The following DSCAML1 variants were observed in gnomAD, a reference collection of about 807,000 sequenced individuals.
DSCAML1 encodes the protein cell adhesion molecule DSCAML1.
Under a neutral mutation model 200.5 loss-of-function variants are expected in DSCAML1, and 38 were observed. That is an observed-to-expected ratio of 0.19 (90% CI 0.15 to 0.25). The LOEUF (loss-of-function observed/expected upper bound fraction) is 0.25. Ranked by LOEUF, DSCAML1 falls within the 10% of genes least tolerant of loss-of-function variation. The pLI is 1.00. For missense variants in DSCAML1, 2,223 were observed against 2,858.8 expected (o/e 0.78, Z 5.07); for synonymous variants, 1,215 against 1,165.0 (o/e 1.04, Z -0.87).
At chr11:117,488,551 A>ACACACACAC (rs1215403825) in intron 11 of DSCAML1, among the ~76,000 whole-genome samples, 9 of 151,846 alleles carry the variant, frequency 5.9e-5, no homozygotes, top group African/African-American at 1.9e-4. Flanking sequence ...ACACACACAC[A>ACACACACAC]CACACCACAC....
intron 3 of DSCAML1, among the ~76,000 whole-genome samples, chr11:117,543,967 G>A (rs2050321039): frequency 6.6e-6 from 1 of 152,148 alleles, no homozygotes. Flanking sequence ...GCTGAGGAAG[G>A]GGTTTCCTGC....
Position 117,461,460 on chromosome 11 carries a change from A to AT in DSCAML1, c.3401dup (p.Tyr1134Ter). Residue 1134 changes from tyrosine (Y) to a stop codon, truncating the protein, a stop_gained and frameshift_variant, in exon 18 of 33, where the codon TAT becomes TAAT. Coordinates refer to ENST00000651296, the MANE Select transcript of DSCAML1 (RefSeq NM_020693.4). LOFTEE classifies it high-confidence loss of function. ...KGYRVIFWSLYVDGEWGEMQN... is the reference protein window; with the variant it reads ...KGYRVIFWSL ...TCCCAGCAGACTCACCCCCATCAACATAGAGGGACCAGAAGATGACCCGAT... is the reference window on the plus strand; with the variant it reads ...TCCCAGCAGACTCACCCCCATCAACATTAGAGGGACCAGAAGATGACCCGAT... 1 of 1,614,116 alleles carries AT rather than the reference A, an allele frequency of 6.2e-7. No individual in the cohort carries two copies. Among genetic ancestry groups the AT allele is most frequent in the Non-Finnish European group, 8.5e-7 (1 of 1,180,012 alleles).
chr11:117,439,902 C>T lies in DSCAML1; in HGVS notation c.3897G>A (p.Val1299=). 1 of 1,614,144 alleles carries T rather than the reference C, an allele frequency of 6.2e-7. No individual in the cohort carries two copies. The highest frequency in any genetic ancestry group is 8.5e-7 in the Non-Finnish European group (1 of 1,180,016). The change falls in exon 22 of 33, where the codon GTG becomes GTA. Residue 1299 remains valine, a synonymous_variant. Coordinates refer to ENST00000651296, the MANE Select transcript of DSCAML1 (RefSeq NM_020693.4). ...GAACATCTTTCATCCAAGGTGTTGT[C>T]ACGGTGCCCCCAAAGGAGATGATCT... The part of the protein sequence containing the change: ...PAKIISFGGT[V]TTPWMKDVRL...
At chr11:117,717,435 CA>C (rs1205021601) in intron 3 of DSCAML1, among the ~76,000 whole-genome samples, 1 of 152,248 alleles carries the variant, frequency 6.6e-6, no homozygotes, top group Admixed American at 6.5e-5. Flanking sequence ...TCATTTCCTC[CA>C]CCAGGGACAA....
chr11:117,797,717 AGCCT>A (rs1339007676), upstream of DSCAML1, among the ~76,000 whole-genome samples: 3 of 152,134 alleles, frequency 2.0e-5, no homozygotes, highest in Non-Finnish European at 4.4e-5. Flanking sequence ...GACTTCCGCA[AGCCT>A]GCCCTCCGGA....
chr11:117,566,564 GTTTGT>G (rs1405901207), intron 3 of DSCAML1, among the ~76,000 whole-genome samples: 56 of 149,580 alleles, frequency 3.7e-4, no homozygotes, highest in Admixed American at 2.1e-3. Context: ...TTTTTTTTTT[GTTTGT>G]TTTATTTATT....
At chr11:117,513,935 C>T (rs1431564253) in intron 8 of DSCAML1, among the ~76,000 whole-genome samples, 7 of 152,106 alleles carry the variant, frequency 4.6e-5, no homozygotes, top group Admixed American at 2.6e-4. Context: ...GAAGTCTCCA[C>T]CCAGCCTTCC....
chr11:117,714,683 G>A (rs1020756151), intron 3 of DSCAML1, among the ~76,000 whole-genome samples: 11 of 151,972 alleles, frequency 7.2e-5, no homozygotes, highest in Non-Finnish European at 1.2e-4. Flanking sequence ...TGGGCGTGGT[G>A]GTGGACACCT....
intron 19 of DSCAML1, among the ~76,000 whole-genome samples, chr11:117,451,010 C>T (rs2048271957): frequency 6.6e-6 from 1 of 152,170 alleles, no homozygotes; most frequent in African/African-American, 2.4e-5. Flanking sequence ...ATCCCTCTGA[C>T]CTTAACCCCT....
intron 1 of DSCAML1, among the ~76,000 whole-genome samples, chr11:117,802,399 C>A (rs2055669036): frequency 6.6e-6 from 1 of 152,184 alleles, no homozygotes; most frequent in Non-Finnish European, 1.5e-5. Flanking sequence ...AGACACTGGG[C>A]TCCGACCCTT....
In DSCAML1 at chr11:117,464,970, G is replaced by T. The variant is rs61743159; in HGVS notation, c.3237C>A (p.Ser1079Arg). ...CCTCCAGAGTGGTGGCATTGATCTC[G>T]CTGGAAGAGGGCCCCGTGCCAGCCC... ...FNRAGTGPSSSEINATTLEDV... is the reference protein window; with the variant it reads ...FNRAGTGPSSREINATTLEDV... The change falls in exon 17 of 33, where the codon AGC becomes AGA. Residue 1079 changes from serine (S) to arginine (R), a missense_variant. Ser to Arg is a moderately radical substitution (Grantham distance 110). Around this residue, in one of 7 missense-constraint regions of DSCAML1, gnomAD observed 438 missense variants for 629.7 expected, o/e 0.70. Transcript: ENST00000651296. The T allele has an allele frequency of 6.2e-7, 1 of 1,614,054 alleles. No homozygotes were observed. Among genetic ancestry groups the T allele is most frequent in the Non-Finnish European group, 8.5e-7 (1 of 1,179,996 alleles).
intron 3 of DSCAML1, among the ~76,000 whole-genome samples, chr11:117,757,845 C>T (rs1304669613): frequency 6.6e-6 from 1 of 151,936 alleles, no homozygotes; most frequent in African/African-American, 2.4e-5. Context: ...ACAAAATTAG[C>T]CAGGTGTGGT....
Position 117,735,825 on chromosome 11 carries a change from G to A in DSCAML1, c.511+40966C>T, listed in dbSNP as rs1303833828. On this transcript the variant is annotated intron_variant, in intron 3 of 32. Transcript: ENST00000651296. ...GCACCCTGGCTTCCCCCAAGCCCCA[G>A]GGCTCCTGGAAAGGGGCAGACCAAC... 2.6e-5 allele frequency among the ~76,000 whole-genome samples: 4 copies of A among 151,874 alleles called. No individual in the cohort carries two copies. In the East Asian group the frequency reaches 7.7e-4, roughly 29 times the overall value.
At chr11:117,675,470 AT>A (rs533948278) in intron 3 of DSCAML1, among the ~76,000 whole-genome samples, 12,595 of 96,748 alleles carry the variant, frequency 0.13, 733 homozygotes, top group South Asian at 0.2. Flanking sequence ...GCTGATTGAA[AT>A]TTTTTTTTTT....
intron 4 of DSCAML1, among the ~76,000 whole-genome samples, chr11:117,531,563 A>G (rs1449508539): frequency 6.6e-6 from 1 of 152,122 alleles, no homozygotes; most frequent in African/African-American, 2.4e-5. Context: ...GCCTATGACA[A>G]AAGATACATA....
chr11:117,751,825 G>C (rs1326069729), intron 3 of DSCAML1, among the ~76,000 whole-genome samples: 1 of 152,210 alleles, frequency 6.6e-6, no homozygotes, highest in East Asian at 1.9e-4. Flanking sequence ...CTCCCAAGTG[G>C]AGTTGAGCAG....
At chr11:117,688,050 G>T (rs1033455903) in intron 3 of DSCAML1, among the ~76,000 whole-genome samples, 3 of 152,188 alleles carry the variant, frequency 2.0e-5, no homozygotes, top group Admixed American at 6.5e-5. Context: ...GAGGAAGGAG[G>T]GAGGAAGAAG....
At chr11:117,788,844 G>A (rs2055409513) in intron 1 of DSCAML1, among the ~76,000 whole-genome samples, 1 of 152,222 alleles carries the variant, frequency 6.6e-6, no homozygotes, top group African/African-American at 2.4e-5. Flanking sequence ...GCCAGGATGT[G>A]TGGCTCAGCA....
intron 3 of DSCAML1, among the ~76,000 whole-genome samples, chr11:117,687,202 C>G (rs918222481): frequency 6.6e-6 from 1 of 152,074 alleles, no homozygotes; most frequent in African/African-American, 2.4e-5. Context: ...TAAAGAAGTT[C>G]AAGGAGGAGG....
Sources: gnomAD v4.1 joint callset for allele counts (sites outside exome capture counted in the v4.1 genomes callset) on GRCh38, gnomAD v4.1.1 for gene constraint, gnomAD v4.1.1 regional missense constraint, MANE v1.5 for transcripts, NCBI Gene and HGNC (gene_info 2026-07-23, HGNC 2026-07-21) for gene names.